The following ADAM10 variants were observed in gnomAD, a reference collection of about 807,000 sequenced individuals.
The protein encoded by ADAM10 is disintegrin and metalloproteinase domain-containing protein 10.
In ADAM10, 17 loss-of-function variants were observed where a neutral mutation model predicts 90.1. The ratio of observed to expected loss-of-function variants is 0.19; its 90% CI spans 0.13 to 0.28. The LOEUF (loss-of-function observed/expected upper bound fraction) is 0.28, where lower values mean the gene tolerates loss of function less well. Among genes scored for constraint, ADAM10 ranks in the 10% least tolerant of loss-of-function variants. ADAM10 has a pLI of 1.00. For synonymous variants in ADAM10, 310 were observed against 298.6 expected (o/e 1.04, Z -0.40); for missense variants, 610 against 914.3 (o/e 0.67, Z 4.29).
intron 5 of ADAM10, among the ~76,000 whole-genome samples, chr15:58,646,963 C>T (rs1896562125): frequency 6.6e-6 from 1 of 152,182 alleles, no homozygotes; most frequent in African/African-American, 2.4e-5. Flanking sequence ...TCCTGCCAGT[C>T]TTTGCACATG....
chr15:58,631,986 T>C (rs191149171), intron 9 of ADAM10, among the ~76,000 whole-genome samples: 3 of 152,298 alleles, frequency 2.0e-5, no homozygotes, highest in African/African-American at 7.2e-5. Flanking sequence ...ATTAGAGAAG[T>C]GCATTTGGGG....
chr15:58,629,720 A>G (rs1157657015), intron 9 of ADAM10, among the ~76,000 whole-genome samples: 2 of 152,210 alleles, frequency 1.3e-5, no homozygotes, highest in African/African-American at 4.8e-5. Context: ...TATCTGACTT[A>G]TATCTAGCTG....
At chr15:58,663,310 T>C (rs1286878763) in intron 5 of ADAM10, among the ~76,000 whole-genome samples, 2 of 152,238 alleles carry the variant, frequency 1.3e-5, no homozygotes, top group Non-Finnish European at 2.9e-5. Flanking sequence ...GATCCATTTA[T>C]TCAATGGTCC....
At chr15:58,737,659 T>C (rs1297917521) in intron 1 of ADAM10, among the ~76,000 whole-genome samples, 1 of 152,194 alleles carries the variant, frequency 6.6e-6, no homozygotes, top group Non-Finnish European at 1.5e-5. Flanking sequence ...TGGCATTAAG[T>C]ACCCCAACAA....
At position 58,749,338 on chromosome 15, in the gene ADAM10, G is replaced by GGGAGCGC. The variant is rs1191736056; in HGVS notation, c.55+135_55+141dup. The GGGAGCGC allele has an allele frequency of 2.7e-6, 3 of 1,117,878 alleles. No individual in the cohort carries two copies. The African/African-American group carries it at 4.9e-5, about 18-fold the overall frequency. The allele number at this position is 1,117,878 out of a possible 1,614,324, so 69.2% of individuals were successfully genotyped here. ...GGGGCGCGGGGGACAATAGGGAGCG[G>GGGAGCGC]GGAGCGCGGCCCGCCAGAGTGGCGC... On this transcript the variant is annotated intron_variant, in intron 1 of 15. Transcript: ENST00000260408.
chr15:58,644,794 C>T (rs1254738024), intron 6 of ADAM10, among the ~76,000 whole-genome samples: 6 of 152,108 alleles, frequency 3.9e-5, no homozygotes, highest in African/African-American at 1.4e-4. Context: ...GTTTTAGGCA[C>T]TGGGGATATA....
intron 1 of ADAM10, among the ~76,000 whole-genome samples, chr15:58,719,618 T>C (rs944689512): frequency 6.6e-6 from 1 of 152,202 alleles, no homozygotes; most frequent in East Asian, 1.9e-4. Context: ...TGGGTTCAAG[T>C]TCTAAGATTT....
intron 11 of ADAM10, among the ~76,000 whole-genome samples, chr15:58,618,275 G>C (rs1895678348): frequency 6.6e-6 from 1 of 152,092 alleles, no homozygotes; most frequent in Non-Finnish European, 1.5e-5. Flanking sequence ...GTGGGGAAAG[G>C]ACAGTCTCTT....
chr15:58,679,732 C>A (rs1057337981), intron 3 of ADAM10, among the ~76,000 whole-genome samples: 16 of 152,068 alleles, frequency 1.1e-4, no homozygotes, highest in African/African-American at 3.9e-4. Context: ...TAGCGAAACC[C>A]TGTCTCTACT....
At chr15:58,718,922 G>C (rs1383443693) in intron 1 of ADAM10, among the ~76,000 whole-genome samples, 2 of 152,156 alleles carry the variant, frequency 1.3e-5, no homozygotes, top group Non-Finnish European at 2.9e-5. Flanking sequence ...CCCTCTCATA[G>C]TACCACAACC....
At chr15:58,743,463 C>T (rs1162134614) in intron 1 of ADAM10, among the ~76,000 whole-genome samples, 1 of 152,086 alleles carries the variant, frequency 6.6e-6, no homozygotes, top group African/African-American at 2.4e-5. Context: ...CAATTAAAGA[C>T]AGACAAGAAA....
chr15:58,673,447 ATTT>A (rs1290385539), intron 4 of ADAM10, among the ~76,000 whole-genome samples: 1 of 151,060 alleles, frequency 6.6e-6, no homozygotes, highest in Non-Finnish European at 1.5e-5. Flanking sequence ...TCTAATAACA[ATTT>A]TTTATTTTAA....
chr15:58,642,364 C>T (rs1896437923), intron 7 of ADAM10, among the ~76,000 whole-genome samples: 1 of 151,738 alleles, frequency 6.6e-6, no homozygotes, highest in South Asian at 2.1e-4. Context: ...ACTCGGGAGG[C>T]TGAGGTGGGA....
At position 58,642,087 on chromosome 15, in the gene ADAM10, C is replaced by T. The variant is rs539668269; in HGVS notation, c.829-1127G>A. Among the ~76,000 whole-genome samples, 6 of 152,318 alleles carry T rather than the reference C, an allele frequency of 3.9e-5. No homozygotes were observed. In the South Asian group the frequency reaches 1.0e-3, roughly 26 times the overall value. Reference sequence around the variant, plus strand: ...CACTGTATGTTACAGATAGTCCATGCTTGAAGACATGCTGTAGATGGCTTT... The same window carrying T: ...CACTGTATGTTACAGATAGTCCATGTTTGAAGACATGCTGTAGATGGCTTT... On this transcript the variant is annotated intron_variant, in intron 7 of 15. Transcript: ENST00000260408.
At chr15:58,693,784 C>T (rs1248245766) in intron 2 of ADAM10, among the ~76,000 whole-genome samples, 2 of 145,470 alleles carry the variant, frequency 1.4e-5, no homozygotes, top group Admixed American at 1.4e-4. Context: ...AAAGGCAAGC[C>T]ACAGTCTGGG....
chr15:58,714,585 G>C (rs1595648728), intron 2 of ADAM10, among the ~76,000 whole-genome samples: 2 of 152,074 alleles, frequency 1.3e-5, no homozygotes, highest in South Asian at 4.2e-4. Flanking sequence ...CAATTTTATA[G>C]GCTGGGCTAC....
At chr15:58,748,901 A>G (rs1413907136) in intron 1 of ADAM10, 7 of 398,778 alleles carry the variant, frequency 1.8e-5, no homozygotes, top group Admixed American at 8.8e-5. Context: ...CCCTCTGCAG[A>G]ATGGGGTCGG....
At chr15:58,623,998 G>GA (rs1272820128) in intron 10 of ADAM10, among the ~76,000 whole-genome samples, 1 of 88,446 alleles carries the variant, frequency 1.1e-5, no homozygotes. Context: ...AAAAAAAAAA[G>GA]GGGGGGCCAG....
At chr15:58,747,614 T>C (rs1899832572) in intron 1 of ADAM10, 2 of 152,172 alleles carry the variant, frequency 1.3e-5, no homozygotes, top group Non-Finnish European at 2.9e-5. Context: ...AAAGCTAGAA[T>C]CTTGATACTA....
Sources: gnomAD v4.1 joint callset for allele counts (sites outside exome capture counted in the v4.1 genomes callset) on GRCh38, gnomAD v4.1.1 for gene constraint, MANE v1.5 for transcripts, NCBI Gene and HGNC (gene_info 2026-07-23, HGNC 2026-07-21) for gene names.